Variants in ZNF423 observed in about 807,000 individuals in gnomAD.
ZNF423 encodes the protein zinc finger protein 423, also known as Ebf-associated zinc finger protein.
In ZNF423, 12 loss-of-function variants were observed where a neutral mutation model predicts 95.8. The observed-to-expected ratio is 0.13, with a 90% CI of 0.08 to 0.20. The LOEUF (loss-of-function observed/expected upper bound fraction) is 0.20. Among genes scored for constraint, ZNF423 ranks in the 10% least tolerant of loss-of-function variants. ZNF423 has a pLI of 1.00. For synonymous variants in ZNF423, 749 were observed against 711.9 expected (o/e 1.05, Z -0.83); for missense variants, 1,316 against 1,737.1 (o/e 0.76, Z 4.31).
At chr16:49,772,531 C>T (rs1332774694) in intron 2 of ZNF423, among the ~76,000 whole-genome samples, 1 of 152,240 alleles carries the variant, frequency 6.6e-6, no homozygotes, top group Non-Finnish European at 1.5e-5. Flanking sequence ...GGCACAGGCT[C>T]ACCCCTGTTG....
chr16:49,686,896 C>T (rs1358077601), intron 3 of ZNF423, among the ~76,000 whole-genome samples: 1 of 151,990 alleles, frequency 6.6e-6, no homozygotes, highest in Non-Finnish European at 1.5e-5. Context: ...GCGATCCCTG[C>T]ACCAGCCTCG....
chr16:49,524,894 C>T (rs1192957501), intron 6 of ZNF423, among the ~76,000 whole-genome samples: 6 of 152,194 alleles, frequency 3.9e-5, no homozygotes, highest in African/African-American at 7.2e-5. Context: ...GGAACTTGGC[C>T]GGCAGAGCTG....
At chr16:49,844,912 G>A (rs1034252224) in intron 1 of ZNF423, among the ~76,000 whole-genome samples, 11 of 151,800 alleles carry the variant, frequency 7.2e-5, no homozygotes, top group Non-Finnish European at 1.3e-4. Flanking sequence ...GCACATGCCT[G>A]TAATCCCAGC....
intron 5 of ZNF423, among the ~76,000 whole-genome samples, chr16:49,543,424 G>A (rs1297012573): frequency 6.6e-6 from 1 of 152,154 alleles, no homozygotes; most frequent in Non-Finnish European, 1.5e-5. Flanking sequence ...CCATCGACTG[G>A]CCTAATCTGA....
chr16:49,500,496 A>C (rs1196475811), intron 7 of ZNF423, among the ~76,000 whole-genome samples: 1 of 152,204 alleles, frequency 6.6e-6, no homozygotes, highest in Non-Finnish European at 1.5e-5. Flanking sequence ...CTGCCCTAAA[A>C]GAGCCTGAAT....
At chr16:49,552,461 A>T (rs1359569535) in intron 5 of ZNF423, among the ~76,000 whole-genome samples, 2 of 152,220 alleles carry the variant, frequency 1.3e-5, no homozygotes, top group Non-Finnish European at 2.9e-5. Context: ...CAGCCCCTGC[A>T]GCTGTCCCCA....
At chr16:49,543,482 G>A (rs1262235158) in intron 5 of ZNF423, among the ~76,000 whole-genome samples, 2 of 152,192 alleles carry the variant, frequency 1.3e-5, no homozygotes, top group African/African-American at 2.4e-5. Context: ...TGCTGCCCCC[G>A]GAGTCCTCTG....
chr16:49,519,811 T>C (rs1968315388), intron 7 of ZNF423, among the ~76,000 whole-genome samples: 1 of 152,234 alleles, frequency 6.6e-6, no homozygotes, highest in Non-Finnish European at 1.5e-5. Flanking sequence ...TTCACTGTCC[T>C]GAAAACCTTG....
rs757185741 is a variant in ZNF423 at position 49,635,997 on chromosome 16, G to A, written c.3179C>T (p.Ala1060Val). Reference protein sequence around the residue: ...HMQKLAGSSAASSPNGQGLQK... With the variant: ...HMQKLAGSSAVSSPNGQGLQK... Reference sequence around the variant, plus strand: ...CAGCCCCTGGCCATTGGGGGAGGACGCCGCTGAGCTGCCCGCCAGCTTCTG... The same window carrying A: ...CAGCCCCTGGCCATTGGGGGAGGACACCGCTGAGCTGCCCGCCAGCTTCTG... The change falls in exon 4 of 8, where the codon GCG becomes GTG. Residue 1060 changes from alanine to valine, a missense_variant. Physicochemically the swap from Ala to Val is moderately conservative, Grantham distance 64 (BLOSUM62 0). Transcript: ENST00000563137. The surrounding 1 kb of genome is among the most constrained non-coding windows in gnomAD (Gnocchi z 4.8). The A allele has an allele frequency of 1.6e-5, 26 of 1,602,548 alleles. No homozygotes were observed. The highest frequency in any genetic ancestry group is 1.7e-4 in the Middle Eastern group (1 of 6,022).
At chr16:49,815,585 G>A (rs2034823679) in intron 1 of ZNF423, among the ~76,000 whole-genome samples, 1 of 152,054 alleles carries the variant, frequency 6.6e-6, no homozygotes, top group Non-Finnish European at 1.5e-5. Flanking sequence ...GCAGACTCTG[G>A]CAGGGCAGCA....
At chr16:49,810,280 T>G (rs1457703896) in intron 1 of ZNF423, among the ~76,000 whole-genome samples, 1 of 152,032 alleles carries the variant, frequency 6.6e-6, no homozygotes, top group Non-Finnish European at 1.5e-5. Flanking sequence ...CCACACACCC[T>G]TCTTACCTCC....
At chr16:49,654,926 TA>T (rs1161499827) in intron 3 of ZNF423, among the ~76,000 whole-genome samples, 1 of 100,550 alleles carries the variant, frequency 9.9e-6, no homozygotes, top group African/African-American at 3.3e-5. Flanking sequence ...TATTTACTTT[TA>T]AGGTTACTGT....
intron 2 of ZNF423, among the ~76,000 whole-genome samples, chr16:49,778,434 G>A (rs776464067): frequency 3.3e-5 from 5 of 152,292 alleles, no homozygotes; most frequent in Admixed American, 1.3e-4. Flanking sequence ...GCCCATGGCC[G>A]CACAGTCCAT....
intron 5 of ZNF423, among the ~76,000 whole-genome samples, chr16:49,575,783 G>A (rs1223260371): frequency 6.6e-6 from 1 of 152,206 alleles, no homozygotes; most frequent in Non-Finnish European, 1.5e-5. Flanking sequence ...ATTCTTGTTT[G>A]GCAGGACCAG....
chr16:49,577,844 G>A (rs1042372151), intron 5 of ZNF423, among the ~76,000 whole-genome samples: 8 of 152,202 alleles, frequency 5.3e-5, no homozygotes, highest in East Asian at 1.9e-4. Context: ...AACAGCCTCT[G>A]TAGTTCCTAT....
At chr16:49,619,777 C>G (rs1326905374) in intron 5 of ZNF423, among the ~76,000 whole-genome samples, 1 of 152,184 alleles carries the variant, frequency 6.6e-6, no homozygotes, top group East Asian at 1.9e-4. Flanking sequence ...GAGCCTGACA[C>G]AGCCCGGTTC....
intron 5 of ZNF423, among the ~76,000 whole-genome samples, chr16:49,594,010 T>A (rs865995639): frequency 6.6e-6 from 1 of 152,116 alleles, no homozygotes; most frequent in Non-Finnish European, 1.5e-5. Context: ...CCTAGATTAC[T>A]GGGGATGGAC....
At position 49,506,225 on chromosome 16, in the gene ZNF423, C is replaced by T. The variant is rs182493558; in HGVS notation, c.3850-14921G>A. Among the ~76,000 whole-genome samples, 12 of 152,106 alleles carry T rather than the reference C, an allele frequency of 7.9e-5. No individual in the cohort carries two copies. In the East Asian group the frequency reaches 1.9e-3, roughly 24 times the overall value. ...CTGGAGGGTGATGATGGTGAAAGAA[C>T]GTGTAGCTGGATGGATAGGGAGATG... On this transcript the variant is annotated intron_variant, in intron 7 of 7. Transcript: ENST00000563137.
intron 5 of ZNF423, among the ~76,000 whole-genome samples, chr16:49,622,193 G>C (rs1972105434): frequency 6.6e-6 from 1 of 152,202 alleles, no homozygotes. Flanking sequence ...TTGCGGGAAT[G>C]TGAAGCCCTT....
Sources: allele counts gnomAD v4.1 joint callset (sites outside exome capture counted in the v4.1 genomes callset), GRCh38; gene constraint gnomAD v4.1.1; non-coding constraint Gnocchi (gnomAD v3.1); transcripts MANE v1.5; gene names NCBI Gene and HGNC (gene_info 2026-07-23, HGNC 2026-07-21).